Variants in ARHGEF2 observed in about 807,000 individuals in gnomAD.
The protein encoded by ARHGEF2 is Rho/Rac guanine nucleotide exchange factor 2.
A neutral mutation model predicts 121.0 loss-of-function variants in ARHGEF2; 22 were observed. That is an observed-to-expected ratio of 0.18 (90% CI 0.13 to 0.26). ARHGEF2 has a LOEUF of 0.26. Ranked by LOEUF, ARHGEF2 falls within the 10% of genes least tolerant of loss-of-function variation. The probability of loss-of-function intolerance (pLI) is 1.00; values close to 1 mark genes in which losing one functional copy is unlikely to be tolerated. For missense variants in ARHGEF2, 907 were observed against 1,336.0 expected (o/e 0.68, Z 5.01); for synonymous variants, 487 against 530.0 (o/e 0.92, Z 1.11).
In ARHGEF2 at chr1:155,955,074, A is replaced by G. The variant is rs371893222; in HGVS notation, c.1716-105T>C. On this transcript the variant is annotated intron_variant, in intron 13 of 21. Coordinates refer to ENST00000361247, the MANE Select transcript of ARHGEF2 (RefSeq NM_001162383.2). ...ACATGCCTTATGCTTCCATCTTCTG[A>G]TAAGACTCCTCAGCCTCACACCCTA... 8.0e-5 allele frequency: 71 copies of G among 883,892 alleles called. No individual in the cohort carries two copies. The East Asian group carries it at 1.1e-3, about 14-fold the overall frequency. The allele number at this position is 883,892 out of a possible 1,614,324, so 54.8% of individuals were successfully genotyped here.
At chr1:155,957,972 G>T in intron 12 of ARHGEF2, 90 bp from the exon 13 acceptor site, 1 of 1,327,330 alleles carries the variant, frequency 7.5e-7, no homozygotes, top group Non-Finnish European at 1.0e-6. Context: ...AGGACTGAAA[G>T]GACTGAAGAG....
intron 21 of ARHGEF2, among the ~76,000 whole-genome samples, chr1:155,949,390 G>C (rs1041514520): frequency 2.0e-5 from 3 of 152,030 alleles, no homozygotes; most frequent in Admixed American, 1.3e-4. Flanking sequence ...GACCAGACTG[G>C]GCAACATGGT....
rs1253848054 is a variant in ARHGEF2 at position 155,964,159 on chromosome 1, AAAAAAAAAATATATATATATATATAT to A, written c.724+803_724+828del. Among the ~76,000 whole-genome samples, 6 of 59,268 alleles carry A rather than the reference AAAAAAAAAATATATATATATATATAT, an allele frequency of 1.0e-4. No homozygotes were observed. In the East Asian group the frequency reaches 1.9e-3, roughly 19 times the overall value. 38.9% of individuals were successfully genotyped at this position (59,268 alleles called of 152,430 possible). ...GACTCTGCTTCAAAAAAAAAAAAAA[AAAAAAAAAATATATATATATATATAT>A]ATATATATATATACATATATATATA... On this transcript the variant is annotated intron_variant, in intron 7 of 21. Transcript: ENST00000361247.
chr1:155,965,551 A>T lies in ARHGEF2; in HGVS notation c.470+80T>A. The T allele has an allele frequency of 6.2e-7, 1 of 1,608,272 alleles. No homozygotes were observed. The highest frequency in any genetic ancestry group is 8.5e-7 in the Non-Finnish European group (1 of 1,177,600). On this transcript the variant is annotated intron_variant, in intron 5 of 21. Coordinates refer to ENST00000361247, the MANE Select transcript of ARHGEF2 (RefSeq NM_001162383.2). The surrounding 1 kb of genome is among the most constrained non-coding windows in gnomAD (Gnocchi z 6.0). Reference sequence around the variant, plus strand: ...TCTGTCTACAGTTCTGAACTCAGGGATGGAAAGGGACCTCTCAGCACCCCC... The same window carrying T: ...TCTGTCTACAGTTCTGAACTCAGGGTTGGAAAGGGACCTCTCAGCACCCCC...
chr1:155,962,123 T>C lies in ARHGEF2; in HGVS notation c.1201A>G (p.Ile401Val). The C allele has an allele frequency of 6.2e-7, 1 of 1,614,206 alleles. No homozygotes were observed. Among genetic ancestry groups the C allele is most frequent in the Non-Finnish European group, 8.5e-7 (1 of 1,180,034 alleles). Residue 401 changes from isoleucine (I) to valine (V), a missense_variant, in exon 10 of 22, where the codon ATC becomes GTC. Physicochemically the swap from Ile to Val is conservative, Grantham distance 29. This residue lies in a region of ARHGEF2 where 475 missense variants were observed against 776.5 expected (regional missense o/e 0.61). Transcript: ENST00000361247. The surrounding 1 kb of genome is among the most constrained non-coding windows in gnomAD (Gnocchi z 5.8). ...TACTCACCGTGGGAATGCTGCAGGATGCGGCTGATGAGTAACGGGTACTTG... is the reference window on the plus strand; with the variant it reads ...TACTCACCGTGGGAATGCTGCAGGACGCGGCTGATGAGTAACGGGTACTTG... ...ITKYPLLISR[I>V]LQHSHGIEEE...
At chr1:155,972,432 T>A (rs1048777282) in intron 1 of ARHGEF2, 1 of 385,590 alleles carries the variant, frequency 2.6e-6, no homozygotes, top group African/African-American at 2.1e-5. Context: ...TGGAAGGACA[T>A]AGGGCCTGCT....
At position 155,978,025 on chromosome 1, in the gene ARHGEF2, C is replaced by G; in HGVS notation, c.63+340G>C. On this transcript the variant is annotated intron_variant, in intron 1 of 21. Transcript: ENST00000361247. This position sits in a 1 kb window ranked among gnomAD's most constrained non-coding sequence, Gnocchi z 4.1. ...GGTGCCGGAGCTTCCACCGCCCCCA[C>G]CCGCGAGACACACACCTCCCTCTTC... 3 of 1,033,678 alleles carry G rather than the reference C, an allele frequency of 2.9e-6. No individual in the cohort carries two copies. Among genetic ancestry groups the G allele is most frequent in the Non-Finnish European group, 3.5e-6 (3 of 852,728 alleles). 64.0% of individuals were successfully genotyped at this position (1,033,678 alleles called of 1,614,324 possible). A position where few individuals can be genotyped will look rare whatever the true frequency, so the allele number is the denominator to read the frequency against.
intron 21 of ARHGEF2, among the ~76,000 whole-genome samples, chr1:155,949,264 T>TAAATAAAATAAAATA (rs558077837): frequency 6.9e-6 from 1 of 145,836 alleles, no homozygotes. Flanking sequence ...AATAAATAAA[T>TAAATAAAATAAAATA]AAATAAAATA....
intron 7 of ARHGEF2, among the ~76,000 whole-genome samples, chr1:155,964,157 A>T (rs865987640): frequency 0.036 from 2,655 of 74,628 alleles, 105 homozygotes; most frequent in Non-Finnish European, 0.049. Context: ...AAAAAAAAAA[A>T]AAAAAAAAAA....
At chr1:155,974,145 C>T (rs1435432923) in intron 1 of ARHGEF2, among the ~76,000 whole-genome samples, 1 of 152,126 alleles carries the variant, frequency 6.6e-6, no homozygotes, top group African/African-American at 2.4e-5. Context: ...CTTGGTCTTC[C>T]AAAATGCTAG....
At chr1:155,971,346 G>A (rs1358812062) in intron 1 of ARHGEF2, among the ~76,000 whole-genome samples, 1 of 152,020 alleles carries the variant, frequency 6.6e-6, no homozygotes, top group Non-Finnish European at 1.5e-5. Context: ...GGGAGGTCGA[G>A]GCGGGTGGAT....
chr1:155,960,635 C>T (rs963685087), intron 11 of ARHGEF2, among the ~76,000 whole-genome samples: 3 of 152,024 alleles, frequency 2.0e-5, no homozygotes, highest in Admixed American at 1.3e-4. Flanking sequence ...TTAGCTGCTG[C>T]GTGGGAGAGA....
In ARHGEF2 at chr1:155,961,950, T is replaced by C; in HGVS notation, c.1220-41A>G. The C allele has an allele frequency of 1.9e-6, 3 of 1,611,748 alleles. No homozygotes were observed. The highest frequency in any genetic ancestry group is 2.5e-6 in the Non-Finnish European group (3 of 1,178,366). ...GGCATGGGGAACGGCTCAACCAGTTTCACTCACACCCCAGTTCCCATCGTG... is the reference window on the plus strand; with the variant it reads ...GGCATGGGGAACGGCTCAACCAGTTCCACTCACACCCCAGTTCCCATCGTG... On this transcript the variant is annotated intron_variant, in intron 10 of 21. Coordinates refer to ENST00000361247, the MANE Select transcript of ARHGEF2 (RefSeq NM_001162383.2). The surrounding 1 kb of genome is among the most constrained non-coding windows in gnomAD (Gnocchi z 4.7).
At chr1:155,953,782 A>G (rs373177219) in intron 14 of ARHGEF2, among the ~76,000 whole-genome samples, 1 of 151,652 alleles carries the variant, frequency 6.6e-6, no homozygotes, top group African/African-American at 2.4e-5. Flanking sequence ...AAAGAAAAAG[A>G]AAAAAGGGTA....
intron 14 of ARHGEF2, 22 bp downstream of exon 14, chr1:155,954,880 A>C: frequency 6.2e-7 from 1 of 1,605,590 alleles, no homozygotes. Context: ...ATTACTAAGG[A>C]GCTCCTTGTG....
At position 155,962,260 on chromosome 1, in the gene ARHGEF2, G is replaced by A. The variant is rs1678112844; in HGVS notation, c.1102-38C>T. The stretch of plus-strand genomic sequence containing the variant: ...AGGCAGGGCTCAGGGCCAGAGGGGA[G>A]GGCAACAGAAAGGCCTGGGGCCTGA... On this transcript the variant is annotated intron_variant, in intron 9 of 21. Transcript: ENST00000361247. This position sits in a 1 kb window ranked among gnomAD's most constrained non-coding sequence, Gnocchi z 5.8. 1.3e-6 allele frequency: 2 copies of A among 1,595,186 alleles called. No homozygotes were observed. The highest frequency in any genetic ancestry group is 8.6e-7 in the Non-Finnish European group (1 of 1,164,766).
intron 13 of ARHGEF2, among the ~76,000 whole-genome samples, chr1:155,955,394 A>G (rs1327822961): frequency 6.6e-6 from 1 of 152,104 alleles, no homozygotes; most frequent in East Asian, 1.9e-4. Flanking sequence ...CTGGGATTAC[A>G]GGCATGAGCC....
At chr1:155,975,860 G>A (rs1681209474) in intron 1 of ARHGEF2, among the ~76,000 whole-genome samples, 2 of 152,184 alleles carry the variant, frequency 1.3e-5, no homozygotes, top group African/African-American at 2.4e-5. Context: ...AGAAAGGGAA[G>A]AACAGGGGAC....
At chr1:155,964,177 T>A (rs1428966849) in intron 7 of ARHGEF2, among the ~76,000 whole-genome samples, 11 of 82,810 alleles carry the variant, frequency 1.3e-4, no homozygotes, top group African/African-American at 6.6e-4. Context: ...AATATATATA[T>A]ATATATATAT....
Sources: allele counts gnomAD v4.1 joint callset (sites outside exome capture counted in the v4.1 genomes callset), GRCh38; gene constraint gnomAD v4.1.1; regional missense constraint gnomAD v4.1.1; non-coding constraint Gnocchi (gnomAD v3.1); transcripts MANE v1.5; gene names NCBI Gene and HGNC (gene_info 2026-07-23, HGNC 2026-07-21).